ANKFN1: variants seen among roughly 807,000 people sequenced by gnomAD.
ANKFN1 encodes ankyrin repeat and fibronectin type III domain containing 1, also known as ankyrin repeat and fibronectin type-III domain-containing protein 1.
ANKFN1 carries 74 observed loss-of-function variants against 108.7 expected under a neutral mutation model. That is an observed-to-expected ratio of 0.68 (90% CI 0.56 to 0.83). ANKFN1 has a LOEUF of 0.83. Among genes scored for constraint, ANKFN1 ranks in the 40% least tolerant of loss-of-function variants. The pLI, the probability that ANKFN1 is intolerant of heterozygous loss-of-function variation, is 0.00. For synonymous variants in ANKFN1, 547 were observed against 516.2 expected, an observed-to-expected ratio of 1.06 and a Z score of -0.81; for missense variants, 1,505 against 1,382.3, an observed-to-expected ratio of 1.09 and a Z score of -1.41.
intron 8 of ANKFN1, among the ~76,000 whole-genome samples, chr17:56,409,884 C>G (rs1486650546): frequency 1.6e-5 from 1 of 63,152 alleles, no homozygotes; most frequent in Non-Finnish European, 3.4e-5. Context: ...TACTTAACCC[C>G]TCTGCCTCAA....
intron 8 of ANKFN1, among the ~76,000 whole-genome samples, chr17:56,396,281 C>T (rs2144903727): frequency 6.6e-6 from 1 of 152,276 alleles, no homozygotes; most frequent in South Asian, 2.1e-4. Flanking sequence ...AACCCCGTCT[C>T]TACTAAAAAT....
chr17:56,119,549 A>G (rs999900340), intron 4 of ANKFN1, among the ~76,000 whole-genome samples: 11 of 152,194 alleles, frequency 7.2e-5, no homozygotes, highest in African/African-American at 2.7e-4. Context: ...AGAATCTGGA[A>G]TAGGGCAGTA....
At chr17:56,298,008 T>A (rs4794630) in intron 3 of ANKFN1, among the ~76,000 whole-genome samples, 19,206 of 152,070 alleles carry the variant, frequency 0.13, 1,436 homozygotes, top group African/African-American at 0.22. Context: ...GAGCAGTGGA[T>A]CTCAGAGTGC....
chr17:56,477,535 A>G lies in ANKFN1; in HGVS notation c.1821A>G (p.Gly607=), dbSNP rs939371991. Reference sequence around the variant, plus strand: ...GGAGTCATCAGCGTCTCTTTCCTGGATTATATCTGGGTTACCTAAAGCTCT... The same window carrying G: ...GGAGTCATCAGCGTCTCTTTCCTGGGTTATATCTGGGTTACCTAAAGCTCT... ...HKRSHQRLFP[G]LYLGYLKLCS... is the part of the protein sequence containing the mutation. The change falls in exon 16 of 21, where the codon GGA becomes GGG. Residue 607 remains glycine (G), a synonymous_variant. Transcript: ENST00000682825. The G allele has an allele frequency of 1.2e-6, 2 of 1,606,248 alleles. No homozygotes were observed. Among genetic ancestry groups the G allele is most frequent in the Admixed American group, 1.7e-5 (1 of 59,000 alleles).
chr17:56,141,923 C>CTTTT lies in ANKFN1; in HGVS notation c.289-85972_289-85969dup, dbSNP rs34394014. 5.3e-4 allele frequency among the ~76,000 whole-genome samples: 51 copies of CTTTT among 95,666 alleles called. 1 individual carries two copies. The highest frequency in any genetic ancestry group is 7.5e-4 in the African/African-American group (16 of 21,312). The allele number at this position is 95,666 out of a possible 152,430, so 62.8% of individuals were successfully genotyped here. A position where few individuals can be genotyped will look rare whatever the true frequency, so the allele number is the denominator to read the frequency against. ...CCCTCTTTTTCATAACGATGGTGTA[C>CTTTT]TTTTTTTTTTTTTTTTTTTTTTTTT... On this transcript the variant is annotated intron_variant, in intron 4 of 12. Transcript: ENST00000635860.
At chr17:56,365,898 A>T (rs1463103553) in intron 6 of ANKFN1, among the ~76,000 whole-genome samples, 1 of 152,214 alleles carries the variant, frequency 6.6e-6, no homozygotes, top group Non-Finnish European at 1.5e-5. Context: ...TATACTTGTT[A>T]TCATTATTTT....
intron 4 of ANKFN1, among the ~76,000 whole-genome samples, chr17:56,144,233 C>T (rs775765069): frequency 7.2e-4 from 106 of 147,682 alleles, no homozygotes; most frequent in Non-Finnish European, 1.2e-3. Context: ...CAGAAATTCT[C>T]TCTACAGCAG....
At chr17:56,368,276 C>CTATTTTTTTTTTTTTTTTT (rs2046713653) in intron 6 of ANKFN1, 1 of 65,416 alleles carries the variant, frequency 1.5e-5, no homozygotes, top group African/African-American at 4.5e-5. Context: ...TGAAAATGAA[C>CTATTTTTTTTTTTTTTTTT]TTTTTTTTTT....
intron 8 of ANKFN1, among the ~76,000 whole-genome samples, chr17:56,431,256 A>G (rs1425560565): frequency 6.6e-6 from 1 of 152,224 alleles, no homozygotes; most frequent in Non-Finnish European, 1.5e-5. Context: ...AATGGATAGA[A>G]TTACTAAATT....
intron 3 of ANKFN1, among the ~76,000 whole-genome samples, chr17:56,272,731 G>A (rs970604642): frequency 7.9e-5 from 12 of 152,100 alleles, no homozygotes; most frequent in African/African-American, 2.9e-4. Context: ...TAAGTTTTTT[G>A]AGGAACTACC....
At chr17:56,357,876 C>A (rs2046415060) in intron 6 of ANKFN1, among the ~76,000 whole-genome samples, 1 of 152,164 alleles carries the variant, frequency 6.6e-6, no homozygotes, top group African/African-American at 2.4e-5. Context: ...CTCCCTTGAT[C>A]CTCACAACTG....
At chr17:56,292,056 A>G (rs370503065) in intron 3 of ANKFN1, among the ~76,000 whole-genome samples, 106 of 152,326 alleles carry the variant, frequency 7.0e-4, no homozygotes, top group African/African-American at 2.3e-3. Context: ...AGGAGAGCCA[A>G]TCAGGTGGCA....
intron 8 of ANKFN1, among the ~76,000 whole-genome samples, chr17:56,419,125 C>A (rs1208761427): frequency 6.6e-6 from 1 of 152,192 alleles, no homozygotes; most frequent in African/African-American, 2.4e-5. Context: ...TGGCCAACCC[C>A]CAGTCAGTGG....
intron 4 of ANKFN1, among the ~76,000 whole-genome samples, chr17:56,103,098 G>C (rs1905679189): frequency 1.3e-5 from 2 of 152,312 alleles, no homozygotes; most frequent in South Asian, 4.1e-4. Flanking sequence ...GTGTGCATCT[G>C]GATATCTACA....
chr17:56,323,782 C>G (rs772346038), intron 3 of ANKFN1, among the ~76,000 whole-genome samples: 3 of 152,138 alleles, frequency 2.0e-5, no homozygotes, highest in Admixed American at 6.6e-5. Flanking sequence ...CTTCTATGTG[C>G]CAGGAACTCT....
intron 12 of ANKFN1, 93 bp downstream of exon 12, chr17:56,457,053 G>T: frequency 7.8e-7 from 1 of 1,288,414 alleles, no homozygotes; most frequent in Non-Finnish European, 1.1e-6. Context: ...ATTTTTTTGT[G>T]TTCAAAACAA....
chr17:56,484,987 C>G (rs1419670257), intron 18 of ANKFN1, among the ~76,000 whole-genome samples: 1 of 152,228 alleles, frequency 6.6e-6, no homozygotes, highest in Non-Finnish European at 1.5e-5. Flanking sequence ...CTCACACACT[C>G]TTCTTGAGTA....
intron 8 of ANKFN1, among the ~76,000 whole-genome samples, chr17:56,388,294 A>C (rs543273128): frequency 6.6e-6 from 1 of 151,886 alleles, no homozygotes; most frequent in South Asian, 2.1e-4. Context: ...CTATAGGTGC[A>C]CACTACCACT....
Position 56,326,278 on chromosome 17 carries a change from C to A in ANKFN1, c.111C>A (p.Ser37Arg). ...GGCTGAGCCACAGGAGAAAGCAAAG[C>A]CAATGTGATTTATTGAATGAAAGCA... ...AQRLSHRRKQ[S>R]QCDLLNESTG... Residue 37 changes from serine to arginine, a missense_variant, in exon 4 of 21, where the codon AGC (serine) becomes AGA (arginine). By Grantham distance (110) the Ser-to-Arg change is moderately radical (BLOSUM62 -1). Transcript: ENST00000682825. 1 of 1,613,938 alleles carries A rather than the reference C, an allele frequency of 6.2e-7. No individual in the cohort carries two copies. Among genetic ancestry groups the A allele is most frequent in the East Asian group, 2.2e-5 (1 of 44,870 alleles).
Sources: gnomAD v4.1 joint callset for allele counts (sites outside exome capture counted in the v4.1 genomes callset) on GRCh38, gnomAD v4.1.1 for gene constraint, MANE v1.5 for transcripts, NCBI Gene and HGNC (gene_info 2026-07-23, HGNC 2026-07-21) for gene names.